FRMD4A: variants seen among roughly 807,000 people sequenced by gnomAD.
FRMD4A encodes FERM domain-containing protein 4A.
A neutral mutation model predicts 129.1 loss-of-function variants in FRMD4A; 29 were observed. That is an observed-to-expected ratio of 0.22 (90% CI 0.17 to 0.31). The LOEUF is 0.31. Ranked by LOEUF, FRMD4A falls within the 10% of genes least tolerant of loss-of-function variation. The pLI is 1.00. For missense variants in FRMD4A, 1,272 were observed against 1,375.8 expected (o/e 0.92, Z 1.19); for synonymous variants, 634 against 571.6 (o/e 1.11, Z -1.56).
chr10:13,975,388 T>C (rs1186084365), intron 2 of FRMD4A, among the ~76,000 whole-genome samples: 10 of 152,012 alleles, frequency 6.6e-5, no homozygotes, highest in Admixed American at 6.6e-4. Flanking sequence ...TGCATATGTC[T>C]TTGTCTCTGT....
At chr10:13,801,080 C>T (rs1165047178) in intron 4 of FRMD4A, among the ~76,000 whole-genome samples, 1 of 152,164 alleles carries the variant, frequency 6.6e-6, no homozygotes, top group Non-Finnish European at 1.5e-5. Flanking sequence ...AACCCCGTCT[C>T]TACCAAAAAT....
At chr10:14,302,567 T>G (rs1297695512) in intron 2 of FRMD4A, among the ~76,000 whole-genome samples, 3 of 152,192 alleles carry the variant, frequency 2.0e-5, no homozygotes, top group Non-Finnish European at 4.4e-5. Flanking sequence ...CAGGTTTTTA[T>G]GAGGATTAAA....
chr10:14,201,389 A>G (rs1842633177), intron 2 of FRMD4A, among the ~76,000 whole-genome samples: 1 of 152,188 alleles, frequency 6.6e-6, no homozygotes, highest in African/African-American at 2.4e-5. Flanking sequence ...CCTGACTGAC[A>G]TACTTAGGAA....
intron 2 of FRMD4A, among the ~76,000 whole-genome samples, chr10:14,177,796 A>G (rs1841783601): frequency 6.6e-6 from 1 of 152,158 alleles, no homozygotes; most frequent in South Asian, 2.1e-4. Context: ...CCACTTAGGG[A>G]GGGTAGAACT....
chr10:13,743,586 C>T (rs1441621735), intron 9 of FRMD4A, among the ~76,000 whole-genome samples: 2 of 152,118 alleles, frequency 1.3e-5, no homozygotes, highest in Non-Finnish European at 1.5e-5. Flanking sequence ...GTCAGAAAGC[C>T]GCGTCGCTGT....
At chr10:13,692,448 T>A (rs2085800366) in intron 15 of FRMD4A, 1 of 152,170 alleles carries the variant, frequency 6.6e-6, no homozygotes, top group Non-Finnish European at 1.5e-5. Flanking sequence ...ACACTGGCCT[T>A]TAGCGGTTCT....
At chr10:13,678,470 T>C (rs749499297) in intron 15 of FRMD4A, among the ~76,000 whole-genome samples, 1 of 152,224 alleles carries the variant, frequency 6.6e-6, no homozygotes, top group African/African-American at 2.4e-5. Flanking sequence ...ACTGGATGTG[T>C]GGCCTTGGGT....
chr10:13,747,769 T>C lies in FRMD4A; in HGVS notation c.515A>G (p.Gln172Arg). 6.2e-7 allele frequency: 1 copy of C among 1,605,602 alleles called. No homozygotes were observed. The change falls in exon 9 of 25, where the codon CAA (glutamine) becomes CGA (arginine). Residue 172 changes from glutamine to arginine, a missense_variant. Gln to Arg is a conservative substitution (Grantham distance 43). Transcript: ENST00000357447. ...CAGGGAAGGGTGCTCCTTCAGGGCT[T>C]GGGTGGGAAGGGCTGGCAGCTTCTT... is the stretch of plus-strand genomic sequence containing the variant. ...DLKKLPALPT[Q>R]ALKEHPSLAY...
intron 1 of FRMD4A, among the ~76,000 whole-genome samples, 200 bp downstream of exon 1, chr10:14,330,397 G>T (rs1208004880): frequency 5.9e-5 from 9 of 152,116 alleles, no homozygotes; most frequent in Non-Finnish European, 4.4e-5. Context: ...CAGACAGGGA[G>T]ACCGCATCAA....
Position 14,128,011 on chromosome 10 carries a change from T to TCTTC in FRMD4A, c.45+202043_45+202046dup, listed in dbSNP as rs1234412308. Among the ~76,000 whole-genome samples the TCTTC allele has an allele frequency of 2.5e-3, 244 of 96,794 alleles. 19 individuals carry two copies. The highest frequency in any genetic ancestry group is 4.6e-3 in the Admixed American group (39 of 8,510). The allele number at this position is 96,794 out of a possible 152,430, so 63.5% of individuals were successfully genotyped here. The stretch of plus-strand genomic sequence containing the variant: ...CTCTCTCTCTCTCTCTTTCTTTCTT[T>TCTTC]CTTCCTTCCTTCCTTCCTTCCTTCC... On this transcript the variant is annotated intron_variant, in intron 2 of 24. Coordinates refer to ENST00000357447, the MANE Select transcript of FRMD4A (RefSeq NM_018027.5).
chr10:14,222,871 T>G (rs931772945), intron 2 of FRMD4A, among the ~76,000 whole-genome samples: 2 of 152,174 alleles, frequency 1.3e-5, no homozygotes, highest in African/African-American at 4.8e-5. Flanking sequence ...GCAGATCACC[T>G]GAGCTCAGGA....
intron 2 of FRMD4A, among the ~76,000 whole-genome samples, chr10:14,050,497 G>A (rs957004796): frequency 2.0e-5 from 3 of 152,176 alleles, no homozygotes; most frequent in African/African-American, 7.2e-5. Context: ...TCCTGGTACA[G>A]GGCTCCTGTC....
intron 2 of FRMD4A, among the ~76,000 whole-genome samples, chr10:14,212,548 G>T (rs1280201747): frequency 6.6e-6 from 1 of 152,138 alleles, no homozygotes; most frequent in East Asian, 1.9e-4. Context: ...TCCCACTCTA[G>T]ATGCTGGATA....
At chr10:13,811,417 G>A (rs768155158) in intron 3 of FRMD4A, among the ~76,000 whole-genome samples, 21 of 151,054 alleles carry the variant, frequency 1.4e-4, no homozygotes, top group Non-Finnish European at 2.7e-4. Flanking sequence ...ACAGACGTGC[G>A]CCATCACACC....
chr10:13,678,126 C>T (rs184684745), intron 15 of FRMD4A, among the ~76,000 whole-genome samples: 3 of 152,258 alleles, frequency 2.0e-5, no homozygotes, highest in Admixed American at 1.3e-4. Context: ...TTCCAGGGCT[C>T]ATTAATGCTA....
intron 2 of FRMD4A, among the ~76,000 whole-genome samples, chr10:14,329,518 A>G (rs1014965295): frequency 1.3e-5 from 2 of 152,318 alleles, no homozygotes; most frequent in African/African-American, 4.8e-5. Context: ...GTTGGCCATC[A>G]ATGGTAGATA....
chr10:13,946,742 C>T (rs1189388635), intron 2 of FRMD4A, among the ~76,000 whole-genome samples: 3 of 152,186 alleles, frequency 2.0e-5, no homozygotes, highest in Non-Finnish European at 4.4e-5. Flanking sequence ...AAAGAAAGAA[C>T]TGGCAAGGTA....
chr10:13,945,583 T>G (rs2095325516), intron 2 of FRMD4A, among the ~76,000 whole-genome samples: 1 of 152,196 alleles, frequency 6.6e-6, no homozygotes, highest in Non-Finnish European at 1.5e-5. Context: ...AGATGTCTCA[T>G]GGGCACCGCT....
chr10:13,764,184 C>CGCGT (rs2092187778), intron 6 of FRMD4A, among the ~76,000 whole-genome samples: 1 of 141,596 alleles, frequency 7.1e-6, no homozygotes, highest in Non-Finnish European at 1.5e-5. Flanking sequence ...CAAAGATTTC[C>CGCGT]GTGTGTGTGT....
Sources: allele counts gnomAD v4.1 joint callset (sites outside exome capture counted in the v4.1 genomes callset), GRCh38; gene constraint gnomAD v4.1.1; transcripts MANE v1.5; gene names NCBI Gene and HGNC (gene_info 2026-07-23, HGNC 2026-07-21).